Variants in IMMP2L observed in about 807,000 individuals in gnomAD.
IMMP2L encodes mitochondrial inner membrane protease subunit 2.
A neutral mutation model predicts 19.3 loss-of-function variants in IMMP2L; 18 were observed. That is an observed-to-expected ratio of 0.93 (90% CI 0.64 to 1.38). IMMP2L has a LOEUF of 1.38. IMMP2L is among the 40% of genes most tolerant of loss of function. The pLI is 0.00. For missense variants in IMMP2L, 233 were observed against 218.2 expected (o/e 1.07, Z -0.43); for synonymous variants, 76 against 73.0 (o/e 1.04, Z -0.21).
chr7:111,172,251 G>A (rs531382880), intron 3 of IMMP2L, among the ~76,000 whole-genome samples: 18 of 151,462 alleles, frequency 1.2e-4, no homozygotes, highest in Admixed American at 4.6e-4. Flanking sequence ...GAGTGCTTTC[G>A]AGACATAAGA....
At chr7:110,965,921 A>T (rs1222415324) in intron 3 of IMMP2L, among the ~76,000 whole-genome samples, 1 of 152,080 alleles carries the variant, frequency 6.6e-6, no homozygotes, top group East Asian at 1.9e-4. Flanking sequence ...TTTAAACATA[A>T]TAATCATACT....
At chr7:111,340,232 T>C (rs967338445) in intron 3 of IMMP2L, among the ~76,000 whole-genome samples, 4 of 152,078 alleles carry the variant, frequency 2.6e-5, no homozygotes, top group African/African-American at 7.2e-5. Flanking sequence ...TAATTCAATA[T>C]GATCCCTGAA....
At chr7:110,732,524 CAGAT>C (rs140766318) in intron 5 of IMMP2L, among the ~76,000 whole-genome samples, 13,643 of 152,128 alleles carry the variant, frequency 0.09, 764 homozygotes, top group African/African-American at 0.15. Context: ...AGAATAGACA[CAGAT>C]AGAAAGAAGT....
At chr7:111,500,051 C>G (rs1844023920) in intron 2 of IMMP2L, among the ~76,000 whole-genome samples, 1 of 152,040 alleles carries the variant, frequency 6.6e-6, no homozygotes, top group South Asian at 2.1e-4. Context: ...GTTCCCTTTC[C>G]TAGTCAAAGA....
chr7:111,268,639 C>T (rs1467904229), intron 3 of IMMP2L, among the ~76,000 whole-genome samples: 3 of 111,974 alleles, frequency 2.7e-5, no homozygotes, highest in African/African-American at 1.1e-4. Context: ...GTTGCCCAGA[C>T]TGGAATGCAG....
At chr7:111,539,254 GAA>G (rs1321078957) in intron 1 of IMMP2L, among the ~76,000 whole-genome samples, 2 of 145,122 alleles carry the variant, frequency 1.4e-5, no homozygotes, top group South Asian at 2.2e-4. Context: ...AAGAAAGAAA[GAA>G]AGAAAGAAAG....
intron 3 of IMMP2L, chr7:111,411,711 G>T: frequency 4.9e-6 from 1 of 203,926 alleles, no homozygotes; most frequent in Non-Finnish European, 1.0e-5. Flanking sequence ...ATCTTCAAGG[G>T]CCAGGTGCAC....
At chr7:110,753,538 T>C (rs1043001825) in intron 5 of IMMP2L, among the ~76,000 whole-genome samples, 1 of 152,036 alleles carries the variant, frequency 6.6e-6, no homozygotes, top group African/African-American at 2.4e-5. Flanking sequence ...TTCTAAACTA[T>C]TACAGCAATA....
At chr7:110,775,398 C>A (rs1799318310) in intron 5 of IMMP2L, among the ~76,000 whole-genome samples, 1 of 151,848 alleles carries the variant, frequency 6.6e-6, no homozygotes, top group African/African-American at 2.4e-5. Flanking sequence ...CAGAAAAATT[C>A]TATTTAAATT....
At chr7:110,770,832 T>A (rs973035278) in intron 5 of IMMP2L, among the ~76,000 whole-genome samples, 1 of 152,168 alleles carries the variant, frequency 6.6e-6, no homozygotes, top group African/African-American at 2.4e-5. Flanking sequence ...GACTTGGGGT[T>A]CCTGTGTAGC....
chr7:110,748,595 C>T (rs1245823371), intron 5 of IMMP2L, among the ~76,000 whole-genome samples: 1 of 152,108 alleles, frequency 6.6e-6, no homozygotes, highest in Non-Finnish European at 1.5e-5. Context: ...AATAATGCCA[C>T]ACATACACAA....
intron 3 of IMMP2L, chr7:111,124,965 C>A: frequency 8.9e-7 from 1 of 1,124,322 alleles, no homozygotes; most frequent in Non-Finnish European, 1.3e-6. Context: ...TGCAGTTGTG[C>A]TAAAAACAAA....
chr7:110,722,339 A>G (rs187916139), intron 5 of IMMP2L, among the ~76,000 whole-genome samples: 1 of 152,180 alleles, frequency 6.6e-6, no homozygotes, highest in Non-Finnish European at 1.5e-5. Flanking sequence ...ATCTCATTCA[A>G]TTCTCGAAAA....
intron 3 of IMMP2L, among the ~76,000 whole-genome samples, chr7:111,134,480 T>C (rs901106834): frequency 6.7e-6 from 1 of 148,946 alleles, no homozygotes; most frequent in African/African-American, 2.6e-5. Context: ...TAAGGTAGTC[T>C]AATTTGGATT....
chr7:111,452,898 T>A (rs1839341568), intron 3 of IMMP2L, among the ~76,000 whole-genome samples: 1 of 152,172 alleles, frequency 6.6e-6, no homozygotes, highest in East Asian at 1.9e-4. Context: ...TGTCACTTGT[T>A]GCTAGAAAGT....
intron 5 of IMMP2L, among the ~76,000 whole-genome samples, chr7:110,865,167 G>A (rs799622): frequency 0.023 from 3,452 of 151,840 alleles, 134 homozygotes; most frequent in African/African-American, 0.077. Flanking sequence ...GTCAGGAAGC[G>A]CATACATTTG....
intron 5 of IMMP2L, among the ~76,000 whole-genome samples, chr7:110,847,949 T>C (rs983578658): frequency 6.6e-6 from 1 of 152,064 alleles, no homozygotes; most frequent in African/African-American, 2.4e-5. Flanking sequence ...AACACAAAGT[T>C]ATAAAACCCC....
chr7:111,100,150 G>A lies in IMMP2L; in HGVS notation c.240-136585C>T, dbSNP rs536376544. On this transcript the variant is annotated intron_variant, in intron 3 of 5. Transcript: ENST00000405709. ...TATTTCTTTTTTTTAAATTTCAATA[G>A]CTTTTTGGGAAACAGATGGTGTCTG... Among the ~76,000 whole-genome samples the A allele has an allele frequency of 3.3e-5, 5 of 151,612 alleles. No individual in the cohort carries two copies. The East Asian group carries it at 9.7e-4, about 29-fold the overall frequency.
chr7:111,089,611 C>G (rs1295511886), intron 3 of IMMP2L, among the ~76,000 whole-genome samples: 2 of 152,042 alleles, frequency 1.3e-5, no homozygotes, highest in East Asian at 1.9e-4. Context: ...CATCCCAACA[C>G]TCAACCATGA....
Sources: gnomAD v4.1 joint callset for allele counts (sites outside exome capture counted in the v4.1 genomes callset) on GRCh38, gnomAD v4.1.1 for gene constraint, MANE v1.5 for transcripts, NCBI Gene and HGNC (gene_info 2026-07-23, HGNC 2026-07-21) for gene names.